ANK3: variants seen among roughly 807,000 people sequenced by gnomAD.
ANK3 encodes the protein ankyrin 3.
ANK3 carries 57 observed loss-of-function variants against 370.9 expected under a neutral mutation model. The ratio of observed to expected loss-of-function variants is 0.15; its 90% CI spans 0.12 to 0.19. The LOEUF is 0.19. Among genes scored for constraint, ANK3 ranks in the 10% least tolerant of loss-of-function variants. The pLI is 1.00. For missense variants in ANK3, 4,439 were observed against 5,302.1 expected (o/e 0.84, Z 5.06); for synonymous variants, 1,929 against 1,946.3 (o/e 0.99, Z 0.23).
chr10:60,047,620 G>T (rs1224602108), intron 42 of ANK3, among the ~76,000 whole-genome samples: 1 of 152,184 alleles, frequency 6.6e-6, no homozygotes, highest in Non-Finnish European at 1.5e-5. Context: ...TGAACTGCCT[G>T]AGTTAGCAGA....
intron 8 of ANK3, among the ~76,000 whole-genome samples, chr10:60,213,919 T>C (rs1024035162): frequency 6.6e-6 from 1 of 152,148 alleles, no homozygotes; most frequent in Non-Finnish European, 1.5e-5. Flanking sequence ...TTTATCTTAA[T>C]GTAATTTTAT....
intron 7 of ANK3, among the ~76,000 whole-genome samples, chr10:60,242,441 A>G (rs2132567383): frequency 6.6e-6 from 1 of 152,322 alleles, no homozygotes; most frequent in East Asian, 1.9e-4. Context: ...TAAACTATAA[A>G]ACTGGCTTAG....
At chr10:60,639,306 T>G (rs1026219555) in intron 1 of ANK3, among the ~76,000 whole-genome samples, 2 of 151,196 alleles carry the variant, frequency 1.3e-5, no homozygotes, top group African/African-American at 2.4e-5. Flanking sequence ...AATAAAAAGT[T>G]TTAGACCAAA....
intron 7 of ANK3, among the ~76,000 whole-genome samples, chr10:60,250,577 G>A (rs1416821159): frequency 6.6e-6 from 1 of 152,092 alleles, no homozygotes; most frequent in Non-Finnish European, 1.5e-5. Flanking sequence ...ATGTTAGCCA[G>A]GATGGTCTCG....
chr10:60,332,764 T>C (rs919853986), intron 1 of ANK3, among the ~76,000 whole-genome samples: 2 of 152,236 alleles, frequency 1.3e-5, no homozygotes, highest in African/African-American at 4.8e-5. Context: ...TTGATGGCTC[T>C]GTTCCGCCTC....
In ANK3 at chr10:60,149,351, G is replaced by A. The variant is rs140565269; in HGVS notation, c.2615-10264C>T. Reference sequence around the variant, plus strand: ...TCTCTGAGCTAATGAGAGGGCTACAGGGTGGTTACATTAGGACAACCTTCC... The same window carrying A: ...TCTCTGAGCTAATGAGAGGGCTACAAGGTGGTTACATTAGGACAACCTTCC... On this transcript the variant is annotated intron_variant, in intron 23 of 43. Coordinates refer to ENST00000280772, the MANE Select transcript of ANK3 (RefSeq NM_020987.5). Among the ~76,000 whole-genome samples the A allele has an allele frequency of 5.9e-5, 9 of 152,278 alleles. No homozygotes were observed. In the East Asian group the frequency reaches 1.7e-3, roughly 29 times the overall value.
chr10:60,111,156 G>A (rs1439931687), intron 26 of ANK3, among the ~76,000 whole-genome samples: 1 of 152,108 alleles, frequency 6.6e-6, no homozygotes, highest in Non-Finnish European at 1.5e-5. Flanking sequence ...GGAGCTGAGT[G>A]GACTGAAGGT....
At chr10:60,251,566 TC>T (rs938372963) in intron 7 of ANK3, among the ~76,000 whole-genome samples, 1 of 152,120 alleles carries the variant, frequency 6.6e-6, no homozygotes, top group Non-Finnish European at 1.5e-5. Flanking sequence ...AATTTTCAAA[TC>T]TTTTAAGGCA....
intron 1 of ANK3, among the ~76,000 whole-genome samples, chr10:60,687,782 T>C (rs929979256): frequency 2.0e-5 from 3 of 152,206 alleles, no homozygotes; most frequent in Non-Finnish European, 4.4e-5. Context: ...CTGCAAACTA[T>C]TCACAATAGC....
intron 2 of ANK3, among the ~76,000 whole-genome samples, chr10:60,493,544 G>A (rs10994384): frequency 0.086 from 13,066 of 152,046 alleles, 1,104 homozygotes; most frequent in East Asian, 0.32. Context: ...TGGTAGTAGG[G>A]GATTGAGACT....
rs373606776 is a variant in ANK3 at position 60,042,682 on chromosome 10, C to A, written c.*9G>T. On this transcript the variant is annotated 3_prime_UTR_variant, in exon 43 of 44. Coordinates refer to ENST00000280772, the MANE Select transcript of ANK3 (RefSeq NM_020987.5). ...ATGAACACACCTCACCTTGACTGAC[C>A]GTTCGCTGTTACGAGTGGCTCTTCT... 8.2e-5 allele frequency: 132 copies of A among 1,613,856 alleles called. 1 individual carries two copies. The South Asian group carries it at 9.7e-4, about 12-fold the overall frequency.
At chr10:60,635,616 C>T (rs1341914513) in intron 1 of ANK3, among the ~76,000 whole-genome samples, 1 of 151,414 alleles carries the variant, frequency 6.6e-6, no homozygotes, top group Non-Finnish European at 1.5e-5. Flanking sequence ...GGTATTTGCC[C>T]AAAACTCAAG....
At chr10:60,647,075 A>G (rs535173969) in intron 1 of ANK3, among the ~76,000 whole-genome samples, 6 of 152,322 alleles carry the variant, frequency 3.9e-5, no homozygotes, top group African/African-American at 1.4e-4. Context: ...TATTTGAATC[A>G]TTTTTAAGCG....
chr10:60,279,371 C>A (rs1183278168), intron 2 of ANK3, among the ~76,000 whole-genome samples, 167 bp downstream of exon 2: 1 of 152,130 alleles, frequency 6.6e-6, no homozygotes, highest in Non-Finnish European at 1.5e-5. Flanking sequence ...TATTAAGGGA[C>A]ATATGCTGAC....
At chr10:60,565,858 T>C (rs1280578716) in intron 2 of ANK3, among the ~76,000 whole-genome samples, 1 of 152,220 alleles carries the variant, frequency 6.6e-6, no homozygotes, top group Non-Finnish European at 1.5e-5. Flanking sequence ...TTCAGCTTTA[T>C]TTGATTCCCT....
chr10:60,444,764 G>A (rs1427152131), intron 2 of ANK3, among the ~76,000 whole-genome samples: 1 of 151,930 alleles, frequency 6.6e-6, no homozygotes, highest in African/African-American at 2.4e-5. Context: ...TTAATTTAAT[G>A]TACAGTTTTG....
At chr10:60,658,529 T>C (rs1300609329) in intron 1 of ANK3, among the ~76,000 whole-genome samples, 1 of 152,124 alleles carries the variant, frequency 6.6e-6, no homozygotes, top group Non-Finnish European at 1.5e-5. Flanking sequence ...TTTATATATA[T>C]TATAAACCAG....
intron 1 of ANK3, among the ~76,000 whole-genome samples, chr10:60,380,713 TA>T (rs1302842600): frequency 1.3e-5 from 2 of 151,966 alleles, no homozygotes; most frequent in Non-Finnish European, 2.9e-5. Context: ...CTTCCTGCAA[TA>T]AAAAAATCAC....
intron 23 of ANK3, among the ~76,000 whole-genome samples, chr10:60,165,204 G>A (rs2132291681): frequency 6.6e-6 from 1 of 152,180 alleles, no homozygotes; most frequent in African/African-American, 2.4e-5. Context: ...ACATACTTTT[G>A]ACATCATGTT....
Sources: allele counts gnomAD v4.1 joint callset (sites outside exome capture counted in the v4.1 genomes callset), GRCh38; gene constraint gnomAD v4.1.1; transcripts MANE v1.5; gene names NCBI Gene and HGNC (gene_info 2026-07-23, HGNC 2026-07-21).